Variants in PCDH9 observed in about 807,000 individuals in gnomAD.
PCDH9 encodes protocadherin-9.
PCDH9 carries 24 observed loss-of-function variants against 70.6 expected under a neutral mutation model. The observed-to-expected ratio is 0.34, with a 90% CI of 0.25 to 0.48. PCDH9 has a LOEUF of 0.48. PCDH9 is among the 20% of genes least tolerant of loss of function. PCDH9 has a pLI of 0.99. For missense variants in PCDH9, 1,281 were observed against 1,503.6 expected (o/e 0.85, Z 2.45); for synonymous variants, 562 against 558.5 (o/e 1.01, Z -0.09).
intron 3 of PCDH9, among the ~76,000 whole-genome samples, chr13:66,786,290 A>T (rs1279141241): frequency 6.6e-6 from 1 of 152,200 alleles, no homozygotes; most frequent in Non-Finnish European, 1.5e-5. Context: ...CATGAGAATC[A>T]GCCATGTGGC....
At chr13:66,465,008 A>G (rs1265913100) in intron 4 of PCDH9, among the ~76,000 whole-genome samples, 1 of 151,984 alleles carries the variant, frequency 6.6e-6, no homozygotes, top group African/African-American at 2.4e-5. Flanking sequence ...GAAAGGGAAC[A>G]ACCAAGCCAT....
chr13:67,127,587 G>T (rs2138318162), intron 2 of PCDH9, among the ~76,000 whole-genome samples: 1 of 151,980 alleles, frequency 6.6e-6, no homozygotes, highest in Admixed American at 6.6e-5. Context: ...TTGTGGGGAA[G>T]GGCATTTTAG....
intron 4 of PCDH9, among the ~76,000 whole-genome samples, chr13:66,556,076 G>T (rs1372362649): frequency 6.6e-6 from 1 of 151,328 alleles, no homozygotes; most frequent in Non-Finnish European, 1.5e-5. Context: ...TAATATATGT[G>T]TCTGTTCTGT....
At chr13:66,587,863 A>G (rs1348473260) in intron 4 of PCDH9, among the ~76,000 whole-genome samples, 8 of 151,982 alleles carry the variant, frequency 5.3e-5, no homozygotes, top group Admixed American at 3.9e-4. Flanking sequence ...ACCAAATAAA[A>G]TATTGCCCAA....
At chr13:66,445,448 A>G (rs570575291) in intron 4 of PCDH9, among the ~76,000 whole-genome samples, 5 of 144,818 alleles carry the variant, frequency 3.5e-5, no homozygotes, top group African/African-American at 1.3e-4. Flanking sequence ...AGATGTGTGT[A>G]TATATATACA....
At chr13:66,354,833 T>A (rs530070577) in intron 4 of PCDH9, among the ~76,000 whole-genome samples, 1 of 152,118 alleles carries the variant, frequency 6.6e-6, no homozygotes, top group Admixed American at 6.6e-5. Flanking sequence ...CTCATTCAAC[T>A]TTTGCCTGGA....
intron 4 of PCDH9, among the ~76,000 whole-genome samples, chr13:66,324,317 T>C (rs542724667): frequency 1.3e-5 from 2 of 152,142 alleles, no homozygotes; most frequent in African/African-American, 4.8e-5. Flanking sequence ...TTGGTGAATA[T>C]TGTAGACAAA....
chr13:66,733,459 G>A (rs2079102903), intron 3 of PCDH9, among the ~76,000 whole-genome samples: 1 of 152,022 alleles, frequency 6.6e-6, no homozygotes, highest in South Asian at 2.1e-4. Flanking sequence ...AACACACAAA[G>A]TACAAACCAA....
chr13:66,608,242 T>C (rs927549313), intron 4 of PCDH9, among the ~76,000 whole-genome samples: 1 of 152,024 alleles, frequency 6.6e-6, no homozygotes, highest in Admixed American at 6.6e-5. Flanking sequence ...TTATAAAGAG[T>C]TTACACATTA....
chr13:66,789,809 T>G (rs1329831902), intron 3 of PCDH9, among the ~76,000 whole-genome samples: 1 of 152,196 alleles, frequency 6.6e-6, no homozygotes, highest in East Asian at 1.9e-4. Context: ...TTGTCAGTGT[T>G]GTTTGCTGCT....
chr13:66,987,597 T>C (rs1403760141), intron 2 of PCDH9, among the ~76,000 whole-genome samples: 2 of 152,072 alleles, frequency 1.3e-5, no homozygotes, highest in Non-Finnish European at 2.9e-5. Context: ...ATTTTTTTAA[T>C]CAACTAAGTC....
intron 4 of PCDH9, among the ~76,000 whole-genome samples, chr13:66,347,846 T>G (rs1956235229): frequency 6.6e-6 from 1 of 152,186 alleles, no homozygotes; most frequent in Non-Finnish European, 1.5e-5. Context: ...GCTGGAACAA[T>G]TCAGACACTG....
chr13:66,589,666 C>T (rs1241837881), intron 4 of PCDH9, among the ~76,000 whole-genome samples: 1 of 151,970 alleles, frequency 6.6e-6, no homozygotes, highest in African/African-American at 2.4e-5. Flanking sequence ...GGTAGGGATG[C>T]TGGTGATGTG....
At chr13:66,422,523 A>G (rs1957586170) in intron 4 of PCDH9, among the ~76,000 whole-genome samples, 1 of 152,208 alleles carries the variant, frequency 6.6e-6, no homozygotes, top group Admixed American at 6.5e-5. Flanking sequence ...GCACAACTAC[A>G]TGGAAACTGA....
At chr13:66,466,570 C>T (rs767338956) in intron 4 of PCDH9, among the ~76,000 whole-genome samples, 12 of 152,038 alleles carry the variant, frequency 7.9e-5, no homozygotes, top group Non-Finnish European at 1.5e-4. Context: ...TGTGCACTTT[C>T]ATGTGCTTTG....
intron 2 of PCDH9, among the ~76,000 whole-genome samples, chr13:67,188,820 A>G (rs1411358740): frequency 6.6e-6 from 1 of 152,048 alleles, no homozygotes; most frequent in Non-Finnish European, 1.5e-5. Flanking sequence ...TTAGGGGAAC[A>G]GGTGGTATTT....
intron 2 of PCDH9, chr13:66,977,650 C>T (rs1428226443): frequency 6.6e-6 from 1 of 152,118 alleles, no homozygotes; most frequent in Non-Finnish European, 1.5e-5. Context: ...AACTGGGCGA[C>T]ATCAGAAAGG....
intron 4 of PCDH9, among the ~76,000 whole-genome samples, chr13:66,317,971 G>T (rs771616177): frequency 2.6e-5 from 4 of 152,064 alleles, no homozygotes; most frequent in Non-Finnish European, 4.4e-5. Context: ...AAAATGGGAA[G>T]AAATAAAATG....
Position 67,226,666 on chromosome 13 carries a change from C to T in PCDH9, c.1775G>A (p.Gly592Glu). 1.2e-6 allele frequency: 2 copies of T among 1,612,164 alleles called. No individual in the cohort carries two copies. The highest frequency in any genetic ancestry group is 1.7e-6 in the Non-Finnish European group (2 of 1,178,244). ...ATCTGCATCTGTCACTGTGATTACC[C>T]CCACAGTACTATACTTTGGCAGATT... Reference protein sequence around the residue: ...SENLPKYSTVGVITVTDADAG... With the variant: ...SENLPKYSTVEVITVTDADAG... Residue 592 changes from glycine (G) to glutamate (E), a missense_variant, in exon 2 of 5, where the codon GGG becomes GAG. Coordinates refer to ENST00000377865, the MANE Select transcript of PCDH9 (RefSeq NM_203487.3). The surrounding 1 kb of genome is among the most constrained non-coding windows in gnomAD (Gnocchi z 5.0).
Sources: gnomAD v4.1 joint callset for allele counts (sites outside exome capture counted in the v4.1 genomes callset) on GRCh38, gnomAD v4.1.1 for gene constraint, Gnocchi (gnomAD v3.1) non-coding constraint, MANE v1.5 for transcripts, NCBI Gene and HGNC (gene_info 2026-07-23, HGNC 2026-07-21) for gene names.